ARHGAP44: variants seen among roughly 807,000 people sequenced by gnomAD.
ARHGAP44 encodes rho GTPase-activating protein 44.
ARHGAP44 carries 43 observed loss-of-function variants against 106.8 expected under a neutral mutation model. The observed-to-expected ratio is 0.40, with a 90% CI of 0.32 to 0.52. The LOEUF (loss-of-function observed/expected upper bound fraction) is 0.52. Among genes scored for constraint, ARHGAP44 ranks in the 20% least tolerant of loss-of-function variants. ARHGAP44 has a pLI of 0.48. For missense variants in ARHGAP44, 866 were observed against 1,050.5 expected (o/e 0.82, Z 2.43); for synonymous variants, 439 against 410.3 (o/e 1.07, Z -0.85).
intron 1 of ARHGAP44, among the ~76,000 whole-genome samples, chr17:12,794,524 G>T (rs1263225326): frequency 2.6e-5 from 4 of 152,210 alleles, no homozygotes; most frequent in Non-Finnish European, 5.9e-5. Flanking sequence ...AGTGGGGCTT[G>T]TCCTCTTGTT....
rs1444608785 is a variant in ARHGAP44 at position 12,949,133 on chromosome 17, T to C, written c.862-7T>C. ...TGCTGTGCGCTGACCCTCTGTCCTG[T>C]TGGTAGGGACTCTTCCGAGTAGCCC... On this transcript the variant is annotated splice_region_variant and splice_polypyrimidine_tract_variant and intron_variant, in intron 10 of 20. Transcript: ENST00000379672. This position sits in a 1 kb window ranked among gnomAD's most constrained non-coding sequence, Gnocchi z 4.1. 1.9e-6 allele frequency: 3 copies of C among 1,561,714 alleles called. No individual in the cohort carries two copies. Among genetic ancestry groups the C allele is most frequent in the Non-Finnish European group, 2.6e-6 (3 of 1,153,050 alleles).
At chr17:12,841,022 C>T (rs765036485) in intron 1 of ARHGAP44, among the ~76,000 whole-genome samples, 1 of 152,084 alleles carries the variant, frequency 6.6e-6, no homozygotes, top group African/African-American at 2.4e-5. Context: ...CACCGTCTTC[C>T]GTGCCCGAGG....
At chr17:12,922,889 A>G (rs1157272995) in intron 6 of ARHGAP44, among the ~76,000 whole-genome samples, 1 of 152,178 alleles carries the variant, frequency 6.6e-6, no homozygotes, top group East Asian at 1.9e-4. Flanking sequence ...AGTAGTCTGT[A>G]GGTTCTGCAA....
chr17:12,862,999 A>G (rs1286097327), intron 1 of ARHGAP44, among the ~76,000 whole-genome samples: 2 of 150,306 alleles, frequency 1.3e-5, no homozygotes, highest in Admixed American at 1.3e-4. Context: ...AATAAAATAA[A>G]AAAAAAGGCC....
chr17:12,944,600 C>G (rs1032788833), intron 10 of ARHGAP44, among the ~76,000 whole-genome samples: 1 of 151,786 alleles, frequency 6.6e-6, no homozygotes, highest in Non-Finnish European at 1.5e-5. Context: ...ATTCTCCTGC[C>G]TCAGCCTCCC....
chr17:12,876,657 G>A (rs1192765704), intron 1 of ARHGAP44, among the ~76,000 whole-genome samples: 4 of 152,008 alleles, frequency 2.6e-5, no homozygotes, highest in African/African-American at 9.7e-5. Flanking sequence ...CTCATAATCT[G>A]TAATCCCAGC....
At chr17:12,801,324 T>G in intron 1 of ARHGAP44, among the ~76,000 whole-genome samples, 1 of 152,262 alleles carries the variant, frequency 6.6e-6, no homozygotes. Context: ...CGGACACTTG[T>G]GCAGTAACGG....
intron 5 of ARHGAP44, among the ~76,000 whole-genome samples, chr17:12,917,999 C>G (rs966757588): frequency 2.6e-5 from 4 of 152,110 alleles, no homozygotes; most frequent in African/African-American, 9.7e-5. Flanking sequence ...TGAAACTATT[C>G]AAGGAGAAAA....
chr17:12,921,392 C>T (rs2038080715), intron 6 of ARHGAP44, among the ~76,000 whole-genome samples: 1 of 152,126 alleles, frequency 6.6e-6, no homozygotes, highest in South Asian at 2.1e-4. Context: ...GTAACTCAGG[C>T]TGGAGTGCAG....
At chr17:12,953,697 C>T (rs766663920) in intron 13 of ARHGAP44, among the ~76,000 whole-genome samples, 4 of 152,138 alleles carry the variant, frequency 2.6e-5, no homozygotes, top group Non-Finnish European at 5.9e-5. Flanking sequence ...CTTGTCATCA[C>T]GTGGATGAAC....
At chr17:12,929,079 C>G (rs371138744) in intron 7 of ARHGAP44, 33 bp downstream of exon 7, 83 of 1,568,122 alleles carry the variant, frequency 5.3e-5, no homozygotes, top group Non-Finnish European at 7.1e-5. Context: ...TCTACTGGGA[C>G]AGGCTGGGGA....
chr17:12,983,664 C>T (rs3826372), intron 19 of ARHGAP44, among the ~76,000 whole-genome samples: 84,161 of 151,010 alleles, frequency 0.56, 23,451 homozygotes, highest in East Asian at 0.73. Context: ...ATTAGCCAGG[C>T]GTGGTGGTGG....
chr17:12,890,491 G>C (rs1033261775), intron 1 of ARHGAP44, among the ~76,000 whole-genome samples: 11 of 152,148 alleles, frequency 7.2e-5, no homozygotes, highest in African/African-American at 2.7e-4. Flanking sequence ...CTGGAATGCA[G>C]GGAACAGAGT....
At chr17:12,943,158 C>T (rs2038752257) in intron 8 of ARHGAP44, among the ~76,000 whole-genome samples, 1 of 152,230 alleles carries the variant, frequency 6.6e-6, no homozygotes, top group Non-Finnish European at 1.5e-5. Flanking sequence ...CCTCCAGCCT[C>T]AGTCTCCTGA....
intron 1 of ARHGAP44, among the ~76,000 whole-genome samples, chr17:12,856,974 A>G (rs2035928941): frequency 6.6e-6 from 1 of 152,220 alleles, no homozygotes; most frequent in South Asian, 2.1e-4. Context: ...TGTCATTAGA[A>G]GTATAATGAA....
intron 7 of ARHGAP44, among the ~76,000 whole-genome samples, chr17:12,934,762 C>G (rs2038496526): frequency 6.6e-6 from 1 of 152,200 alleles, no homozygotes. Context: ...ATATACAACA[C>G]TAGGAGTGAA....
chr17:12,941,870 C>A (rs2038718807), intron 8 of ARHGAP44, among the ~76,000 whole-genome samples: 1 of 152,128 alleles, frequency 6.6e-6, no homozygotes, highest in Non-Finnish European at 1.5e-5. Flanking sequence ...ATCAGTTATG[C>A]TCACCTGCCT....
intron 7 of ARHGAP44, among the ~76,000 whole-genome samples, chr17:12,931,465 G>A (rs915604304): frequency 6.6e-6 from 1 of 151,694 alleles, no homozygotes; most frequent in African/African-American, 2.4e-5. Context: ...ATCTCTCTAG[G>A]TTAGTAGCTG....
Position 12,990,077 on chromosome 17 carries a change from C to T in ARHGAP44, c.2363C>T (p.Ser788Leu), listed in dbSNP as rs756185681. The T allele has an allele frequency of 4.4e-5, 71 of 1,612,566 alleles. No individual in the cohort carries two copies. Among genetic ancestry groups the T allele is most frequent in the Non-Finnish European group, 5.9e-5 (69 of 1,179,082 alleles). ...DIPSIHIELG[S>L]TLRLSPLEHM... is the part of the protein sequence containing the mutation. ...CCCTCGATCCACATAGAGCTCGGGT[C>T]GACGCTCCGCCTGAGTCCCCTGGAG... The change falls in exon 21 of 21, where the codon TCG becomes TTG. Residue 788 changes from serine to leucine, a missense_variant. Around this residue, in one of 2 missense-constraint regions of ARHGAP44, gnomAD observed 418 missense variants for 403.6 expected, o/e 1.04. Transcript: ENST00000379672.
Sources: gnomAD v4.1 joint callset for allele counts (sites outside exome capture counted in the v4.1 genomes callset) on GRCh38, gnomAD v4.1.1 for gene constraint, gnomAD v4.1.1 regional missense constraint, Gnocchi (gnomAD v3.1) non-coding constraint, MANE v1.5 for transcripts, NCBI Gene and HGNC (gene_info 2026-07-23, HGNC 2026-07-21) for gene names.